Variants in TMEM120B observed in about 807,000 individuals in gnomAD.
The protein encoded by TMEM120B is transmembrane protein 120B.
Under a neutral mutation model 55.5 loss-of-function variants are expected in TMEM120B, and 31 were observed. The ratio of observed to expected loss-of-function variants is 0.56; its 90% CI spans 0.42 to 0.75. The LOEUF (loss-of-function observed/expected upper bound fraction) is 0.75. Ranked by LOEUF, TMEM120B falls within the 30% of genes least tolerant of loss-of-function variation. The pLI is 0.00. For missense variants in TMEM120B, 399 were observed against 425.5 expected (o/e 0.94, Z 0.55); for synonymous variants, 203 against 176.3 (o/e 1.15, Z -1.20).
intron 8 of TMEM120B, 47 bp downstream of exon 8, chr12:121,771,596 A>G (rs1215079550): frequency 6.3e-7 from 1 of 1,575,514 alleles, no homozygotes. Context: ...TGGTTTTCTG[A>G]GACTTTCACC....
chr12:121,720,386 A>C (rs1416316402), intron 1 of TMEM120B, among the ~76,000 whole-genome samples: 1 of 152,068 alleles, frequency 6.6e-6, no homozygotes, highest in African/African-American at 2.4e-5. Flanking sequence ...CTGAAAGTCT[A>C]TTTGAAGTTG....
At chr12:121,738,765 G>C (rs934281917) in intron 1 of TMEM120B, among the ~76,000 whole-genome samples, 1 of 152,180 alleles carries the variant, frequency 6.6e-6, no homozygotes, top group Non-Finnish European at 1.5e-5. Flanking sequence ...ACTGGCAGGA[G>C]CCACTAATAA....
At chr12:121,726,469 C>G (rs984708060) in intron 1 of TMEM120B, among the ~76,000 whole-genome samples, 5 of 151,334 alleles carry the variant, frequency 3.3e-5, no homozygotes, top group African/African-American at 7.3e-5. Context: ...GTCCCAGCTA[C>G]TCGGGAGGCT....
chr12:121,775,955 C>T lies in TMEM120B; in HGVS notation c.*233C>T, dbSNP rs1329197605. ...CCCCATCGTCCCTGGAACCCGAGGC[C>T]TCACTCCTGTGCTTGAAGGTGGCTG... On this transcript the variant is annotated 3_prime_UTR_variant, in exon 12 of 12. Coordinates refer to ENST00000449592, the MANE Select transcript of TMEM120B (RefSeq NM_001080825.2). The surrounding 1 kb of genome is among the most constrained non-coding windows in gnomAD (Gnocchi z 4.3). The T allele has an allele frequency of 1.2e-5, 7 of 607,962 alleles. No homozygotes were observed. The highest frequency in any genetic ancestry group is 2.1e-5 in the Non-Finnish European group (7 of 341,384). The allele number at this position is 607,962 out of a possible 1,614,324, so 37.7% of individuals were successfully genotyped here. A position where few individuals can be genotyped will look rare whatever the true frequency, so the allele number is the denominator to read the frequency against.
At chr12:121,720,027 C>G (rs938642988) in intron 1 of TMEM120B, among the ~76,000 whole-genome samples, 1 of 152,168 alleles carries the variant, frequency 6.6e-6, no homozygotes, top group African/African-American at 2.4e-5. Flanking sequence ...GATGTCACAT[C>G]TTTGTGACAG....
intron 6 of TMEM120B, among the ~76,000 whole-genome samples, chr12:121,767,791 T>G (rs1474994469): frequency 6.6e-6 from 1 of 152,114 alleles, no homozygotes; most frequent in Non-Finnish European, 1.5e-5. Flanking sequence ...TGAGCTGTGT[T>G]TATTGGTGGC....
intron 1 of TMEM120B, among the ~76,000 whole-genome samples, chr12:121,717,944 C>T (rs1426501454): frequency 6.6e-6 from 1 of 152,176 alleles, no homozygotes; most frequent in African/African-American, 2.4e-5. Context: ...GCGTGAGCTA[C>T]CGCACCCAGC....
At chr12:121,762,011 G>A (rs1192535433) in intron 6 of TMEM120B, among the ~76,000 whole-genome samples, 1 of 152,104 alleles carries the variant, frequency 6.6e-6, no homozygotes, top group Non-Finnish European at 1.5e-5. Context: ...AGAAGTGAGC[G>A]GCATGGCACG....
intron 1 of TMEM120B, among the ~76,000 whole-genome samples, chr12:121,742,859 G>A (rs1281187892): frequency 6.6e-6 from 1 of 152,238 alleles, no homozygotes; most frequent in East Asian, 1.9e-4. Flanking sequence ...ACAGGCGTGA[G>A]CCAGCGCGTC....
chr12:121,765,993 A>T (rs552215717), intron 6 of TMEM120B, among the ~76,000 whole-genome samples: 33 of 151,880 alleles, frequency 2.2e-4, no homozygotes, highest in Non-Finnish European at 4.6e-4. Context: ...CGCCGTCAAC[A>T]CCCCACAGTC....
rs968256155 is a variant in TMEM120B, at chr12:121,746,874, C to T, written c.189-1452C>T. 1.5e-4 allele frequency among the ~76,000 whole-genome samples: 22 copies of T among 151,624 alleles called. No individual in the cohort carries two copies. In the East Asian group the frequency reaches 3.7e-3, roughly 26 times the overall value. On this transcript the variant is annotated intron_variant, in intron 2 of 11. Coordinates refer to ENST00000449592, the MANE Select transcript of TMEM120B (RefSeq NM_001080825.2). ...TTGGGAGGCTGAGGCAGGAGAATGGCGTGAACCCAGGAGGCGGAGCTTGCA... is the reference window on the plus strand; with the variant it reads ...TTGGGAGGCTGAGGCAGGAGAATGGTGTGAACCCAGGAGGCGGAGCTTGCA...
intron 1 of TMEM120B, among the ~76,000 whole-genome samples, chr12:121,721,310 C>T (rs1340920548): frequency 6.6e-6 from 1 of 152,054 alleles, no homozygotes; most frequent in Non-Finnish European, 1.5e-5. Context: ...TCCTGAGTAT[C>T]TGGGACTACA....
intron 1 of TMEM120B, among the ~76,000 whole-genome samples, chr12:121,735,195 A>C (rs1447340296): frequency 6.6e-5 from 10 of 150,914 alleles, no homozygotes; most frequent in Admixed American, 3.3e-4. Context: ...CAAAAAAAAA[A>C]AAAAACAAAA....
At chr12:121,717,821 CTAA>C (rs1437796750) in intron 1 of TMEM120B, among the ~76,000 whole-genome samples, 10 of 152,110 alleles carry the variant, frequency 6.6e-5, no homozygotes, top group Non-Finnish European at 1.2e-4. Context: ...CCACTCCTGG[CTAA>C]TTTTTGTATT....
intron 6 of TMEM120B, among the ~76,000 whole-genome samples, 169 bp downstream of exon 6, chr12:121,761,907 C>T (rs1311895148): frequency 6.6e-6 from 1 of 152,170 alleles, no homozygotes; most frequent in Non-Finnish European, 1.5e-5. Context: ...GTTGATGCGG[C>T]AGCTCTTGTT....
chr12:121,724,858 C>T (rs1054712318), intron 1 of TMEM120B, among the ~76,000 whole-genome samples: 9 of 152,094 alleles, frequency 5.9e-5, no homozygotes, highest in African/African-American at 2.2e-4. Flanking sequence ...GATCCACCCG[C>T]CTTGGCCTCC....
chr12:121,728,180 G>C (rs1341750167), intron 1 of TMEM120B, among the ~76,000 whole-genome samples: 1 of 151,406 alleles, frequency 6.6e-6, no homozygotes, highest in Non-Finnish European at 1.5e-5. Flanking sequence ...GCGAATTTTT[G>C]TATTTTTAGT....
Position 121,775,098 on chromosome 12 carries a change from C to G in TMEM120B, c.874C>G (p.Leu292Val). ...QLYNAVTLFE[L>V]SSHEECREWQ... is the part of the protein sequence containing the mutation. ...CTACAATGCCGTCACGCTGTTTGAG[C>G]TCTCCAGCCACGAGGAATGCAGAGA... The change falls in exon 11 of 12, where the codon CTC becomes GTC. Residue 292 changes from leucine to valine, a missense_variant. Leu to Val is a conservative substitution (Grantham distance 32). Coordinates refer to ENST00000449592, the MANE Select transcript of TMEM120B (RefSeq NM_001080825.2). This position sits in a 1 kb window ranked among gnomAD's most constrained non-coding sequence, Gnocchi z 4.3. 6.2e-7 allele frequency: 1 copy of G among 1,610,946 alleles called. No individual in the cohort carries two copies. Among genetic ancestry groups the G allele is most frequent in the Non-Finnish European group, 8.5e-7 (1 of 1,179,528 alleles).
chr12:121,758,144 T>C (rs1873538497), intron 5 of TMEM120B: 1 of 984,988 alleles, frequency 1.0e-6, no homozygotes, highest in South Asian at 4.7e-5. Flanking sequence ...TGTCAGTGCC[T>C]CCTCAGACAG....
Sources: allele counts gnomAD v4.1 joint callset (sites outside exome capture counted in the v4.1 genomes callset), GRCh38; gene constraint gnomAD v4.1.1; non-coding constraint Gnocchi (gnomAD v3.1); transcripts MANE v1.5; gene names NCBI Gene and HGNC (gene_info 2026-07-23, HGNC 2026-07-21).